Variants in SNX29 observed in about 807,000 individuals in gnomAD.
SNX29 encodes the protein sorting nexin 29.
Under a neutral mutation model 102.1 loss-of-function variants are expected in SNX29, and 78 were observed. The observed-to-expected ratio is 0.76, with a 90% CI of 0.64 to 0.92. SNX29 has a LOEUF of 0.92. Ranked by LOEUF, SNX29 falls within the 40% of genes least tolerant of loss-of-function variation. SNX29 has a pLI of 0.00. For missense variants in SNX29, 1,280 were observed against 1,061.7 expected (o/e 1.21, Z -2.86); for synonymous variants, 580 against 414.5 (o/e 1.40, Z -4.85).
At chr16:12,260,367 C>T (rs1393547623) in intron 14 of SNX29, among the ~76,000 whole-genome samples, 1 of 152,128 alleles carries the variant, frequency 6.6e-6, no homozygotes, top group African/African-American at 2.4e-5. Context: ...TCCCTGTTAC[C>T]GTCTTCCTTC....
chr16:12,344,106 A>G (rs1314015687), intron 15 of SNX29, among the ~76,000 whole-genome samples: 1 of 152,160 alleles, frequency 6.6e-6, no homozygotes, highest in African/African-American at 2.4e-5. Flanking sequence ...GTCTGCCGCC[A>G]TATAAGACAT....
At chr16:12,460,437 C>T (rs1468319301) in intron 18 of SNX29, among the ~76,000 whole-genome samples, 1 of 152,062 alleles carries the variant, frequency 6.6e-6, no homozygotes, top group Admixed American at 6.6e-5. Context: ...GTAGAAAACT[C>T]CTTCTATATT....
At chr16:12,013,542 T>G (rs1306440727) in intron 3 of SNX29, among the ~76,000 whole-genome samples, 1 of 109,076 alleles carries the variant, frequency 9.2e-6, no homozygotes, top group African/African-American at 3.5e-5. Context: ...TATATATATA[T>G]CGAGAGAGGA....
At chr16:12,412,589 C>G in intron 18 of SNX29, among the ~76,000 whole-genome samples, 1 of 152,204 alleles carries the variant, frequency 6.6e-6, no homozygotes, top group Non-Finnish European at 1.5e-5. Context: ...GAGACCTTTT[C>G]AGCCTCATAT....
chr16:12,094,154 G>C (rs985002461), intron 11 of SNX29, among the ~76,000 whole-genome samples: 1 of 152,162 alleles, frequency 6.6e-6, no homozygotes, highest in East Asian at 1.9e-4. Flanking sequence ...GTACCCCTCT[G>C]ACACAGTTGT....
chr16:12,123,784 A>C (rs2054084071), intron 11 of SNX29, among the ~76,000 whole-genome samples: 1 of 152,126 alleles, frequency 6.6e-6, no homozygotes, highest in East Asian at 1.9e-4. Flanking sequence ...GGGCTGGCAA[A>C]TGTTTTCTGG....
intron 3 of SNX29, among the ~76,000 whole-genome samples, chr16:12,021,616 G>C (rs969784607): frequency 5.9e-5 from 9 of 152,034 alleles, no homozygotes; most frequent in Admixed American, 5.9e-4. Context: ...GGCTGGGCTT[G>C]GTGTCTCACT....
intron 3 of SNX29, 120 bp from the exon 4 acceptor site, chr16:12,027,200 T>C: frequency 8.0e-7 from 1 of 1,243,398 alleles, no homozygotes; most frequent in Non-Finnish European, 1.1e-6. Flanking sequence ...AGGTGTCTCC[T>C]GTCTGCCTTC....
rs74009128 is a variant in SNX29, at chr16:12,534,082, C to T, written c.2318+9241C>T. 3.1e-3 allele frequency among the ~76,000 whole-genome samples: 476 copies of T among 152,300 alleles called. 1 individual carries two copies. Among genetic ancestry groups the T allele is most frequent in the African/African-American group, 0.011 (447 of 41,552 alleles). ...GTGCAGAGTGAGGGCAGCAGGGGAT[C>T]CCACTTGACCCCAGGGGATCGCGAT... On this transcript the variant is annotated intron_variant, in intron 20 of 20. Transcript: ENST00000566228.
chr16:12,338,733 G>A (rs1445991496), intron 15 of SNX29, among the ~76,000 whole-genome samples: 1 of 152,112 alleles, frequency 6.6e-6, no homozygotes, highest in African/African-American at 2.4e-5. Context: ...TGGGTGGCAG[G>A]GGCCTGGGAG....
chr16:11,978,256 G>A (rs1246820375), intron 1 of SNX29, among the ~76,000 whole-genome samples: 1 of 152,078 alleles, frequency 6.6e-6, no homozygotes, highest in East Asian at 1.9e-4. Flanking sequence ...GTGAATGTTA[G>A]TAATACCTCA....
At chr16:12,537,553 C>G (rs556389025) in intron 20 of SNX29, among the ~76,000 whole-genome samples, 3 of 152,154 alleles carry the variant, frequency 2.0e-5, no homozygotes, top group Admixed American at 1.3e-4. Flanking sequence ...TGGAGCTTCT[C>G]GAAGGGAAGC....
At chr16:12,204,941 A>G (rs1001100364) in intron 14 of SNX29, among the ~76,000 whole-genome samples, 1 of 151,968 alleles carries the variant, frequency 6.6e-6, no homozygotes. Flanking sequence ...CTCCACACCC[A>G]TGTGCGCTTT....
intron 14 of SNX29, among the ~76,000 whole-genome samples, chr16:12,219,145 C>T (rs2077407427): frequency 6.6e-6 from 1 of 152,098 alleles, no homozygotes; most frequent in African/African-American, 2.4e-5. Context: ...GGCCTTTTGG[C>T]AGGAAGGAGG....
intron 14 of SNX29, among the ~76,000 whole-genome samples, chr16:12,263,797 G>C (rs535680972): frequency 2.6e-5 from 4 of 152,176 alleles, no homozygotes; most frequent in African/African-American, 9.7e-5. Context: ...TTTACAGTCA[G>C]GCTCAAGTGA....
chr16:12,382,632 T>C (rs1318716735), intron 16 of SNX29, among the ~76,000 whole-genome samples: 1 of 152,244 alleles, frequency 6.6e-6, no homozygotes, highest in African/African-American at 2.4e-5. Flanking sequence ...ATAAACGTGC[T>C]GGCTTAAAAC....
At chr16:12,213,243 A>G (rs2077235135) in intron 14 of SNX29, among the ~76,000 whole-genome samples, 1 of 152,236 alleles carries the variant, frequency 6.6e-6, no homozygotes, top group African/African-American at 2.4e-5. Flanking sequence ...ACAGAAAAAT[A>G]GCACATCCTC....
At chr16:12,180,954 C>T (rs1407255910) in intron 13 of SNX29, among the ~76,000 whole-genome samples, 1 of 152,102 alleles carries the variant, frequency 6.6e-6, no homozygotes, top group Non-Finnish European at 1.5e-5. Flanking sequence ...TTCTTTTTCC[C>T]TCTTCTCTAA....
At chr16:12,380,377 C>CACCCACCCACCCACCCACCCATCATCT (rs1555524192) in intron 16 of SNX29, among the ~76,000 whole-genome samples, 1 of 60,422 alleles carries the variant, frequency 1.7e-5, no homozygotes, top group Non-Finnish European at 3.4e-5. Context: ...TCCACTTATC[C>CACCCACCCACCCACCCACCCATCATCT]ACCCACCCAC....
Sources: allele counts gnomAD v4.1 joint callset (sites outside exome capture counted in the v4.1 genomes callset), GRCh38; gene constraint gnomAD v4.1.1; transcripts MANE v1.5; gene names NCBI Gene and HGNC (gene_info 2026-07-23, HGNC 2026-07-21).